The following ANO10 variants were observed in gnomAD, a reference collection of about 807,000 sequenced individuals.
The protein encoded by ANO10 is anoctamin-10.
In ANO10, 77 loss-of-function variants were observed where a neutral mutation model predicts 74.7. The observed-to-expected ratio is 1.03, with a 90% CI of 0.86 to 1.25. The LOEUF (loss-of-function observed/expected upper bound fraction) is 1.25, where lower values mean the gene tolerates loss of function less well. Among genes scored for constraint, ANO10 ranks in the 50% most tolerant of loss-of-function variants. The probability of loss-of-function intolerance (pLI) is 0.00; values close to 1 mark genes in which losing one functional copy is unlikely to be tolerated. For missense variants in ANO10, 721 were observed against 778.1 expected (o/e 0.93, Z 0.87); for synonymous variants, 279 against 284.9 (o/e 0.98, Z 0.21).
At chr3:43,571,304 A>C (rs1046072301) in intron 7 of ANO10, among the ~76,000 whole-genome samples, 7 of 152,176 alleles carry the variant, frequency 4.6e-5, no homozygotes, top group African/African-American at 1.4e-4. Context: ...AGAACTGGAA[A>C]TACCATTTGA....
intron 12 of ANO10, among the ~76,000 whole-genome samples, chr3:43,382,056 C>T (rs561290713): frequency 6.6e-6 from 1 of 152,340 alleles, no homozygotes; most frequent in East Asian, 1.9e-4. Context: ...CTCTGGGATA[C>T]AGCAAAGGCA....
chr3:43,394,465 C>T (rs1435740415), intron 12 of ANO10, among the ~76,000 whole-genome samples: 1 of 152,168 alleles, frequency 6.6e-6, no homozygotes, highest in Admixed American at 6.5e-5. Context: ...ATTTGTTTTC[C>T]TGGCTCCCTT....
chr3:43,634,848 G>A (rs1192858731), intron 1 of ANO10, among the ~76,000 whole-genome samples: 1 of 152,146 alleles, frequency 6.6e-6, no homozygotes, highest in African/African-American at 2.4e-5. Context: ...AGAGGGCCTC[G>A]TGAGAGGATT....
chr3:43,568,163 G>A (rs1489514819), intron 7 of ANO10, among the ~76,000 whole-genome samples: 2 of 52,618 alleles, frequency 3.8e-5, no homozygotes, highest in East Asian at 6.5e-3. Context: ...ACCCAATACA[G>A]GAGCACCAAG....
At chr3:43,668,456 T>C (rs1430056974) in intron 1 of ANO10, among the ~76,000 whole-genome samples, 1 of 152,156 alleles carries the variant, frequency 6.6e-6, no homozygotes, top group Non-Finnish European at 1.5e-5. Flanking sequence ...AATTTTTGTT[T>C]TTGTTGCATT....
chr3:43,525,120 A>G (rs1351371112), intron 11 of ANO10, among the ~76,000 whole-genome samples: 1 of 152,100 alleles, frequency 6.6e-6, no homozygotes, highest in Admixed American at 6.6e-5. Context: ...CCGACCAATG[A>G]CTGCCCAGGG....
chr3:43,388,507 A>G (rs2092190229), intron 12 of ANO10, among the ~76,000 whole-genome samples: 1 of 152,158 alleles, frequency 6.6e-6, no homozygotes, highest in South Asian at 2.1e-4. Flanking sequence ...TTACCAAGAT[A>G]ATGGAAATAT....
At chr3:43,476,404 G>T (rs574168917) in intron 11 of ANO10, among the ~76,000 whole-genome samples, 1 of 151,980 alleles carries the variant, frequency 6.6e-6, no homozygotes, top group Non-Finnish European at 1.5e-5. Flanking sequence ...CAATTAGTGG[G>T]GTCTGTAGTG....
chr3:43,591,534 T>A (rs1391554985), intron 4 of ANO10, among the ~76,000 whole-genome samples: 2 of 152,174 alleles, frequency 1.3e-5, no homozygotes, highest in Non-Finnish European at 2.9e-5. Flanking sequence ...GCCCCCATCC[T>A]GGGAGCTCTA....
At chr3:43,587,470 G>C (rs1441346613) in intron 4 of ANO10, among the ~76,000 whole-genome samples, 1 of 152,206 alleles carries the variant, frequency 6.6e-6, no homozygotes, top group Non-Finnish European at 1.5e-5. Context: ...TTCAGGAGAA[G>C]GCCCCACACC....
intron 1 of ANO10, among the ~76,000 whole-genome samples, chr3:43,630,010 G>C (rs912122502): frequency 1.3e-5 from 2 of 152,184 alleles, no homozygotes; most frequent in African/African-American, 2.4e-5. Context: ...CCAATAGTAA[G>C]AAGTTGAGAG....
chr3:43,611,987 A>G (rs2149515272), intron 1 of ANO10, among the ~76,000 whole-genome samples: 1 of 151,064 alleles, frequency 6.6e-6, no homozygotes, highest in East Asian at 2.0e-4. Context: ...GTTATCATAG[A>G]CTCTTTCCTT....
At chr3:43,470,942 T>A (rs566830426) in intron 11 of ANO10, among the ~76,000 whole-genome samples, 1 of 152,320 alleles carries the variant, frequency 6.6e-6, no homozygotes, top group South Asian at 2.1e-4. Flanking sequence ...ATGGTAATTC[T>A]ACGTTCTGCA....
chr3:43,418,941 T>C (rs2092781222), intron 12 of ANO10, among the ~76,000 whole-genome samples: 1 of 152,280 alleles, frequency 6.6e-6, no homozygotes, highest in African/African-American at 2.4e-5. Flanking sequence ...GCTTTTGCAT[T>C]ACAGCAGCAG....
At chr3:43,479,107 G>GT (rs2076176502) in intron 11 of ANO10, among the ~76,000 whole-genome samples, 1 of 151,674 alleles carries the variant, frequency 6.6e-6, no homozygotes, top group African/African-American at 2.4e-5. Context: ...ATAGATTATT[G>GT]TGTTAATCAA....
chr3:43,536,486 T>C (rs1404138254), intron 11 of ANO10, among the ~76,000 whole-genome samples: 2 of 152,202 alleles, frequency 1.3e-5, no homozygotes, highest in Admixed American at 6.5e-5. Context: ...AGATCATTTT[T>C]GTTCTTAAGT....
At chr3:43,661,651 T>G (rs980182589) in intron 1 of ANO10, among the ~76,000 whole-genome samples, 1 of 152,070 alleles carries the variant, frequency 6.6e-6, no homozygotes. Flanking sequence ...GTGCTGTATT[T>G]AGGAGATCCA....
chr3:43,372,960 A>T, intron 12 of ANO10: 2 of 1,027,408 alleles, frequency 1.9e-6, no homozygotes, highest in Non-Finnish European at 2.8e-6. Flanking sequence ...CTCTTTTCTC[A>T]TGTAACACAT....
At position 43,582,536 on chromosome 3, in the gene ANO10, A is replaced by G. The variant is rs77477643; in HGVS notation, c.473-2064T>C. On this transcript the variant is annotated intron_variant, in intron 4 of 12. Coordinates refer to ENST00000292246, the MANE Select transcript of ANO10 (RefSeq NM_018075.5). ...GACAGGTCCCCATCATAAAATCTTC[A>G]GAGTAACTTAAAAGTAAACCCAACT... Among the ~76,000 whole-genome samples the G allele has an allele frequency of 3.5e-3, 528 of 152,346 alleles. 4 individuals carry two copies. Among genetic ancestry groups the G allele is most frequent in the African/African-American group, 0.012 (501 of 41,584 alleles).
Sources: allele counts gnomAD v4.1 joint callset (sites outside exome capture counted in the v4.1 genomes callset), GRCh38; gene constraint gnomAD v4.1.1; transcripts MANE v1.5; gene names NCBI Gene and HGNC (gene_info 2026-07-23, HGNC 2026-07-21).